The following TTC28 variants were observed in gnomAD, a reference collection of about 807,000 sequenced individuals.
TTC28 encodes tetratricopeptide repeat domain 28.
In TTC28, 61 loss-of-function variants were observed where a neutral mutation model predicts 198.0. The observed-to-expected ratio is 0.31, with a 90% CI of 0.25 to 0.38. TTC28 has a LOEUF of 0.38. TTC28 is among the 10% of genes least tolerant of loss of function. TTC28 has a pLI of 1.00. For synonymous variants in TTC28, 1,171 were observed against 1,297.8 expected, an observed-to-expected ratio of 0.90 and a Z score of 2.10; for missense variants, 2,678 against 3,164.0, an observed-to-expected ratio of 0.85 and a Z score of 3.69.
chr22:28,113,054 G>A (rs1398473055), intron 6 of TTC28, among the ~76,000 whole-genome samples: 1 of 152,212 alleles, frequency 6.6e-6, no homozygotes, highest in Non-Finnish European at 1.5e-5. Flanking sequence ...AAGTGCCTCA[G>A]ACATAGTAAG....
At chr22:28,225,183 C>T (rs1256903998) in intron 5 of TTC28, among the ~76,000 whole-genome samples, 4 of 151,912 alleles carry the variant, frequency 2.6e-5, no homozygotes, top group Non-Finnish European at 1.5e-5. Flanking sequence ...AGTGAAACCC[C>T]ATCTCTACTA....
In TTC28 at chr22:28,034,913, AAAAT is replaced by A. The variant is rs144058294; in HGVS notation, c.3933-4551_3933-4548del. On this transcript the variant is annotated intron_variant, in intron 12 of 22. Transcript: ENST00000397906. The stretch of plus-strand genomic sequence containing the variant: ...CATGCCGTCACCAGAGGCAGGCTCC[AAAAT>A]GCTGTTCATATGCAGCTTTCCCCAG... 9.4e-3 allele frequency among the ~76,000 whole-genome samples: 1,435 copies of A among 152,298 alleles called. 25 individuals carry two copies. Among genetic ancestry groups the A allele is most frequent in the African/African-American group, 0.032 (1,335 of 41,574 alleles).
chr22:28,652,224 G>T (rs1391479934), intron 1 of TTC28, among the ~76,000 whole-genome samples: 3 of 152,160 alleles, frequency 2.0e-5, no homozygotes, highest in Non-Finnish European at 4.4e-5. Flanking sequence ...AAGCATATAT[G>T]TGAAAAAGTT....
At chr22:28,309,289 T>C (rs867774186) in intron 2 of TTC28, among the ~76,000 whole-genome samples, 1 of 152,242 alleles carries the variant, frequency 6.6e-6, no homozygotes, top group Non-Finnish European at 1.5e-5. Flanking sequence ...TTTCTATCAC[T>C]GTCTCATTCA....
intron 5 of TTC28, among the ~76,000 whole-genome samples, chr22:28,189,089 T>C (rs1239715787): frequency 2.0e-5 from 3 of 152,174 alleles, no homozygotes; most frequent in African/African-American, 7.2e-5. Flanking sequence ...AGCGCATGCC[T>C]GTAATCCCAG....
chr22:28,609,347 A>T (rs144218050), intron 2 of TTC28, among the ~76,000 whole-genome samples: 57 of 152,334 alleles, frequency 3.7e-4, no homozygotes, highest in African/African-American at 1.4e-3. Context: ...TCGATGCAGA[A>T]GGCAGGTGAT....
chr22:28,040,516 C>A (rs1939583105), intron 12 of TTC28, among the ~76,000 whole-genome samples: 1 of 152,142 alleles, frequency 6.6e-6, no homozygotes, highest in Non-Finnish European at 1.5e-5. Flanking sequence ...GCATGAAAGG[C>A]CTTTGACAAA....
chr22:28,163,037 G>C, intron 6 of TTC28, 55 bp downstream of exon 6: 1 of 1,478,748 alleles, frequency 6.8e-7, no homozygotes, highest in Non-Finnish European at 9.0e-7. Flanking sequence ...ATCTACTCCA[G>C]CTATTTCCAG....
intron 2 of TTC28, among the ~76,000 whole-genome samples, chr22:28,391,548 TTC>T (rs1201604312): frequency 2.0e-5 from 3 of 152,234 alleles, no homozygotes; most frequent in Non-Finnish European, 2.9e-5. Flanking sequence ...TTTCTTTTTA[TTC>T]TTTTTTCTCT....
intron 12 of TTC28, among the ~76,000 whole-genome samples, chr22:28,036,171 A>G (rs1404920331): frequency 2.0e-5 from 3 of 152,224 alleles, no homozygotes; most frequent in African/African-American, 7.2e-5. Flanking sequence ...TCTCCACCCC[A>G]AATCAACAGA....
intron 5 of TTC28, among the ~76,000 whole-genome samples, chr22:28,255,827 T>C (rs1268952090): frequency 6.6e-6 from 1 of 151,978 alleles, no homozygotes; most frequent in Non-Finnish European, 1.5e-5. Flanking sequence ...AAAAAAAACA[T>C]ATATTAATAG....
At chr22:28,475,045 G>A (rs1244080955) in intron 2 of TTC28, among the ~76,000 whole-genome samples, 1 of 151,208 alleles carries the variant, frequency 6.6e-6, no homozygotes, top group Admixed American at 6.6e-5. Context: ...AGCTACTCGG[G>A]AGGCTGAGGT....
At chr22:28,303,871 A>T (rs911283841) in intron 3 of TTC28, 7 of 152,054 alleles carry the variant, frequency 4.6e-5, no homozygotes, top group African/African-American at 1.4e-4. Context: ...AAAAAAAAAA[A>T]AATACAAAAA....
At chr22:28,648,957 G>A (rs1209065133) in intron 1 of TTC28, among the ~76,000 whole-genome samples, 1 of 151,330 alleles carries the variant, frequency 6.6e-6, no homozygotes, top group East Asian at 1.9e-4. Context: ...AGAAAGAAAG[G>A]AAAGAAAAGA....
At chr22:28,675,735 T>TCACAAA (rs1555910101) in intron 1 of TTC28, among the ~76,000 whole-genome samples, 2 of 135,118 alleles carry the variant, frequency 1.5e-5, no homozygotes, top group Non-Finnish European at 3.2e-5. Context: ...TGAAACCCTG[T>TCACAAA]CACACACACA....
chr22:28,566,444 TA>T (rs1003214340), intron 2 of TTC28, among the ~76,000 whole-genome samples: 6 of 152,194 alleles, frequency 3.9e-5, no homozygotes, highest in Non-Finnish European at 7.3e-5. Context: ...GCTAATACCT[TA>T]AGCCTCTCCT....
chr22:28,399,002 G>A (rs2046858792), intron 2 of TTC28, among the ~76,000 whole-genome samples: 1 of 149,972 alleles, frequency 6.7e-6, no homozygotes, highest in South Asian at 2.1e-4. Context: ...AGTTGTTTGG[G>A]GAGTTATTTT....
At chr22:28,085,682 G>C (rs1434413558) in intron 12 of TTC28, among the ~76,000 whole-genome samples, 2 of 151,890 alleles carry the variant, frequency 1.3e-5, no homozygotes, top group Admixed American at 6.6e-5. Flanking sequence ...AAATGTAAAT[G>C]GACTAAATGC....
chr22:28,006,266 G>A (rs1254819692), intron 14 of TTC28, among the ~76,000 whole-genome samples: 1 of 152,168 alleles, frequency 6.6e-6, no homozygotes, highest in Non-Finnish European at 1.5e-5. Flanking sequence ...AAACCCACAG[G>A]ACAGCGCTAA....
Sources: gnomAD v4.1 joint callset for allele counts (sites outside exome capture counted in the v4.1 genomes callset) on GRCh38, gnomAD v4.1.1 for gene constraint, MANE v1.5 for transcripts, NCBI Gene and HGNC (gene_info 2026-07-23, HGNC 2026-07-21) for gene names.